The following ATP11B variants were observed in gnomAD, a reference collection of about 807,000 sequenced individuals.
ATP11B encodes ATPase phospholipid transporting 11B (putative).
A neutral mutation model predicts 157.8 loss-of-function variants in ATP11B; 81 were observed. The observed-to-expected ratio is 0.51, with a 90% CI of 0.43 to 0.62. The LOEUF (loss-of-function observed/expected upper bound fraction) is 0.62, where lower values mean the gene tolerates loss of function less well. Ranked by LOEUF, ATP11B falls within the 20% of genes least tolerant of loss-of-function variation. The pLI, the probability that ATP11B is intolerant of heterozygous loss-of-function variation, is 0.00. For missense variants in ATP11B, 1,165 were observed against 1,402.2 expected (o/e 0.83, Z 2.70); for synonymous variants, 451 against 469.4 (o/e 0.96, Z 0.51).
intron 12 of ATP11B, 127 bp from the exon 13 acceptor site, chr3:182,865,329 C>G: frequency 1.2e-6 from 1 of 813,122 alleles, no homozygotes; most frequent in Non-Finnish European, 1.9e-6. Flanking sequence ...ATAAGAATCT[C>G]AGCATCCATA....
intron 12 of ATP11B, among the ~76,000 whole-genome samples, chr3:182,864,008 T>C (rs1459449684): frequency 6.6e-6 from 1 of 152,132 alleles, no homozygotes; most frequent in Non-Finnish European, 1.5e-5. Flanking sequence ...GATAAAGTAT[T>C]CTATCTCTTA....
At chr3:182,827,046 G>T (rs573110361) in intron 2 of ATP11B, among the ~76,000 whole-genome samples, 3 of 152,198 alleles carry the variant, frequency 2.0e-5, no homozygotes, top group Non-Finnish European at 1.5e-5. Context: ...CAAAATATTT[G>T]ATCTCTACCT....
chr3:182,866,431 A>C lies in ATP11B; in HGVS notation c.1607A>C (p.Glu536Ala), dbSNP rs754499108. Residue 536 changes from glutamate to alanine, a missense_variant, in exon 14 of 30, where the codon GAA (glutamate) becomes GCA (alanine). By Grantham distance (107) the Glu-to-Ala change is moderately radical (BLOSUM62 -1). Coordinates refer to ENST00000323116, the MANE Select transcript of ATP11B (RefSeq NM_014616.3). ...ASSPDEKALV[E>A]AAARIGIVFI... is the part of the protein sequence containing the mutation. Reference sequence around the variant, plus strand: ...TCACCAGATGAAAAGGCTCTAGTAGAAGCTGCTGCAAGGTAATTTAGTCTG... The same window carrying C: ...TCACCAGATGAAAAGGCTCTAGTAGCAGCTGCTGCAAGGTAATTTAGTCTG... The C allele has an allele frequency of 6.2e-7, 1 of 1,601,702 alleles. No homozygotes were observed. Among genetic ancestry groups the C allele is most frequent in the East Asian group, 2.2e-5 (1 of 44,638 alleles).
At chr3:182,848,367 A>G (rs1391590490) in intron 9 of ATP11B, 109 bp from the exon 10 acceptor site, 1 of 587,172 alleles carries the variant, frequency 1.7e-6, no homozygotes, top group Non-Finnish European at 2.6e-6. Context: ...GCAAAATTAT[A>G]ACAACTGTCA....
At chr3:182,823,293 A>G (rs1049788879) in intron 2 of ATP11B, among the ~76,000 whole-genome samples, 2 of 152,188 alleles carry the variant, frequency 1.3e-5, no homozygotes, top group South Asian at 2.1e-4. Context: ...ATTTTTGTAT[A>G]AGGTGTAAGA....
chr3:182,869,208 C>T lies in ATP11B; in HGVS notation c.1763-20C>T, dbSNP rs1348280484. The T allele has an allele frequency of 6.3e-7, 1 of 1,597,744 alleles. No homozygotes were observed. On this transcript the variant is annotated intron_variant, in intron 16 of 29. Transcript: ENST00000323116. Reference sequence around the variant, plus strand: ...TTATGTAATATTAAGAGTCTGATAACTCATTTTTTTTGTCTCTAGGTGAGA... The same window carrying T: ...TTATGTAATATTAAGAGTCTGATAATTCATTTTTTTTGTCTCTAGGTGAGA...
chr3:182,859,038 A>G lies in ATP11B; in HGVS notation c.1003-124A>G, dbSNP rs185251385. The G allele has an allele frequency of 1.9e-3, 1,099 of 588,532 alleles. 3 individuals are homozygous for G. Among genetic ancestry groups the G allele is most frequent in the Non-Finnish European group, 2.8e-3 (944 of 337,036 alleles). 36.5% of individuals were successfully genotyped at this position (588,532 alleles called of 1,614,324 possible). ...TAAATGAATTTCAATTCATGAGACT[A>G]TTCTACCTCAGAATATAGTTGATGG... On this transcript the variant is annotated intron_variant, in intron 11 of 29. Transcript: ENST00000323116.
intron 10 of ATP11B, among the ~76,000 whole-genome samples, chr3:182,853,266 G>A (rs549537218): frequency 1.3e-5 from 2 of 152,262 alleles, no homozygotes; most frequent in South Asian, 2.1e-4. Context: ...GGAGTGCAGT[G>A]GTGCGATCTC....
intron 1 of ATP11B, among the ~76,000 whole-genome samples, chr3:182,818,646 G>C (rs373251448): frequency 6.6e-6 from 1 of 152,120 alleles, no homozygotes; most frequent in African/African-American, 2.4e-5. Context: ...GTTGAATACC[G>C]TACATAACAC....
At chr3:182,893,658 T>C in intron 25 of ATP11B, among the ~76,000 whole-genome samples, 1 of 152,218 alleles carries the variant, frequency 6.6e-6, no homozygotes, top group African/African-American at 2.4e-5. Context: ...AACATGGGTG[T>C]GCAAGTATCT....
chr3:182,913,082 A>G lies in ATP11B; in HGVS notation c.3319-779A>G, dbSNP rs940338877. 2.6e-5 allele frequency among the ~76,000 whole-genome samples: 4 copies of G among 152,326 alleles called. 1 individual carries two copies. The highest frequency in any genetic ancestry group is 1.3e-4 in the Admixed American group (2 of 15,300). Reference sequence around the variant, plus strand: ...TGCTGGGCTATTTATGCCTGAATCAACATAAATCTTGCATACTTTCAGAAA... The same window carrying G: ...TGCTGGGCTATTTATGCCTGAATCAGCATAAATCTTGCATACTTTCAGAAA... On this transcript the variant is annotated intron_variant, in intron 28 of 29. Coordinates refer to ENST00000323116, the MANE Select transcript of ATP11B (RefSeq NM_014616.3).
intron 22 of ATP11B, 71 bp downstream of exon 22, chr3:182,884,969 C>G: frequency 1.2e-6 from 1 of 861,744 alleles, no homozygotes; most frequent in Non-Finnish European, 1.7e-6. Context: ...AATGTTATAA[C>G]CTTATACATT....
At chr3:182,819,082 T>TC (rs1717152324) in intron 1 of ATP11B, among the ~76,000 whole-genome samples, 1 of 147,172 alleles carries the variant, frequency 6.8e-6, no homozygotes. Flanking sequence ...AATATTTCTT[T>TC]TTTTTTTTTT....
At chr3:182,888,040 A>G (rs945864691) in intron 24 of ATP11B, among the ~76,000 whole-genome samples, 1 of 152,200 alleles carries the variant, frequency 6.6e-6, no homozygotes, top group African/African-American at 2.4e-5. Flanking sequence ...TAGAATTCCT[A>G]AAAGTTTTTT....
In ATP11B at chr3:182,887,604, T is replaced by C. The variant is rs1346738908; in HGVS notation, c.2734T>C (p.Tyr912His). 6.2e-7 allele frequency: 1 copy of C among 1,612,082 alleles called. No individual in the cohort carries two copies. Among genetic ancestry groups the C allele is most frequent in the Non-Finnish European group, 8.5e-7 (1 of 1,179,374 alleles). Reference sequence around the variant, plus strand: ...TTTCTAGACATTGTATGACAGCGTGTACCTGACTTTATACAATATTTGTTT... The same window carrying C: ...TTTCTAGACATTGTATGACAGCGTGCACCTGACTTTATACAATATTTGTTT... ...FSQQTLYDSVYLTLYNICFTS... is the reference protein window; with the variant it reads ...FSQQTLYDSVHLTLYNICFTS... The change falls in exon 24 of 30, where the codon TAC (tyrosine) becomes CAC (histidine). Residue 912 changes from tyrosine (Y) to histidine (H), a missense_variant. By Grantham distance (83) the Tyr-to-His change is moderately conservative. Coordinates refer to ENST00000323116, the MANE Select transcript of ATP11B (RefSeq NM_014616.3).
At chr3:182,846,309 A>C (rs1396157122) in intron 9 of ATP11B, among the ~76,000 whole-genome samples, 1 of 152,100 alleles carries the variant, frequency 6.6e-6, no homozygotes, top group East Asian at 1.9e-4. Context: ...AAAAAAAAAA[A>C]AACACAAAAT....
chr3:182,867,239 A>G (rs999501045), intron 14 of ATP11B, 137 bp from the exon 15 acceptor site: 166 of 630,572 alleles, frequency 2.6e-4, no homozygotes, highest in Admixed American at 1.3e-3. Flanking sequence ...CCAAAGTTGT[A>G]ATATTAAAAG....
chr3:182,858,450 CAT>C (rs1720591099), intron 11 of ATP11B, among the ~76,000 whole-genome samples: 1 of 152,190 alleles, frequency 6.6e-6, no homozygotes, highest in East Asian at 1.9e-4. Flanking sequence ...CAAATTATGT[CAT>C]ATATTTTAAA....
chr3:182,793,927 G>A (rs1324045830), intron 1 of ATP11B, 141 bp downstream of exon 1: 6 of 442,856 alleles, frequency 1.4e-5, no homozygotes, highest in African/African-American at 1.0e-4. Flanking sequence ...GACGGGCGCG[G>A]GGCCCAGAGC....
Sources: gnomAD v4.1 joint callset for allele counts (sites outside exome capture counted in the v4.1 genomes callset) on GRCh38, gnomAD v4.1.1 for gene constraint, MANE v1.5 for transcripts, NCBI Gene and HGNC (gene_info 2026-07-23, HGNC 2026-07-21) for gene names.